Variants in GOLGA1 observed in about 807,000 individuals in gnomAD.
GOLGA1 encodes golgin subfamily A member 1.
In GOLGA1, 63 loss-of-function variants were observed where a neutral mutation model predicts 119.7. The observed-to-expected ratio is 0.53, with a 90% CI of 0.43 to 0.65. The LOEUF (loss-of-function observed/expected upper bound fraction) is 0.65. Among genes scored for constraint, GOLGA1 ranks in the 30% least tolerant of loss-of-function variants. The pLI is 0.00. For missense variants in GOLGA1, 798 were observed against 912.8 expected (o/e 0.87, Z 1.62); for synonymous variants, 318 against 333.4 (o/e 0.95, Z 0.50).
At chr9:124,898,492 T>C in intron 15 of GOLGA1, 57 bp downstream of exon 15, 1 of 965,616 alleles carries the variant, frequency 1.0e-6, no homozygotes, top group African/African-American at 1.6e-5. Context: ...GCACTGTAAA[T>C]ACACATGTAG....
At chr9:124,896,827 G>C (rs1003284909) in intron 15 of GOLGA1, among the ~76,000 whole-genome samples, 1 of 152,090 alleles carries the variant, frequency 6.6e-6, no homozygotes, top group Non-Finnish European at 1.5e-5. Flanking sequence ...AGTTATTCAT[G>C]AGGCTGAGGT....
intron 7 of GOLGA1, among the ~76,000 whole-genome samples, chr9:124,924,399 G>T (rs990379930): frequency 6.6e-6 from 1 of 152,070 alleles, no homozygotes; most frequent in East Asian, 1.9e-4. Context: ...GGAGGCCAAG[G>T]TGGGCCTATC....
intron 7 of GOLGA1, 65 bp from the exon 8 acceptor site, chr9:124,923,288 G>A: frequency 7.4e-7 from 1 of 1,359,604 alleles, no homozygotes; most frequent in Non-Finnish European, 1.0e-6. Context: ...TTACGAAAGT[G>A]AAAATCTTTT....
chr9:124,934,192 C>A (rs1830822805), intron 3 of GOLGA1, among the ~76,000 whole-genome samples: 1 of 152,164 alleles, frequency 6.6e-6, no homozygotes, highest in South Asian at 2.1e-4. Flanking sequence ...AGATATGACT[C>A]TATAACCTGA....
Position 124,915,739 on chromosome 9 carries a change from C to T in GOLGA1, c.844-3713G>A, listed in dbSNP as rs544965159. ...GGTTGAGGTTGCAGTGAGCCAACAT[C>T]GCGCCACTGCACTCCAGCCTGGGCA... is the stretch of plus-strand genomic sequence containing the variant. On this transcript the variant is annotated intron_variant, in intron 10 of 22. Transcript: ENST00000373555. Among the ~76,000 whole-genome samples the T allele has an allele frequency of 2.2e-4, 34 of 152,148 alleles. 1 individual carries two copies. In the South Asian group the frequency reaches 6.6e-3, roughly 30 times the overall value.
At chr9:124,884,885 TCA>T (rs1169119585) in intron 19 of GOLGA1, among the ~76,000 whole-genome samples, 1 of 152,152 alleles carries the variant, frequency 6.6e-6, no homozygotes, top group Non-Finnish European at 1.5e-5. Context: ...AGTCAAAAGT[TCA>T]CCCTCGAGGG....
intron 10 of GOLGA1, among the ~76,000 whole-genome samples, chr9:124,919,637 A>C (rs1250330319): frequency 2.0e-5 from 3 of 152,140 alleles, no homozygotes; most frequent in Non-Finnish European, 4.4e-5. Flanking sequence ...CTTAGCTAAG[A>C]CCTCTATTGA....
At chr9:124,918,002 G>A (rs1288860877) in intron 10 of GOLGA1, among the ~76,000 whole-genome samples, 1 of 152,060 alleles carries the variant, frequency 6.6e-6, no homozygotes, top group Non-Finnish European at 1.5e-5. Context: ...ACAGGTGTGT[G>A]CCACCATGCC....
intron 7 of GOLGA1, among the ~76,000 whole-genome samples, chr9:124,925,931 T>C (rs1240048381): frequency 1.3e-5 from 2 of 152,282 alleles, no homozygotes; most frequent in South Asian, 4.1e-4. Context: ...ATGCAAGCAA[T>C]GGTACTAGAA....
At chr9:124,917,758 C>A (rs775706672) in intron 10 of GOLGA1, among the ~76,000 whole-genome samples, 3 of 152,142 alleles carry the variant, frequency 2.0e-5, no homozygotes, top group Admixed American at 2.0e-4. Context: ...GCTTGAAATT[C>A]TCTCCCATCA....
At chr9:124,918,530 G>T (rs1040594090) in intron 10 of GOLGA1, among the ~76,000 whole-genome samples, 1 of 152,034 alleles carries the variant, frequency 6.6e-6, no homozygotes. Context: ...TTTGAGGGCC[G>T]AGGTGGGCAG....
At chr9:124,924,299 A>C (rs1014739499) in intron 7 of GOLGA1, among the ~76,000 whole-genome samples, 16 of 152,198 alleles carry the variant, frequency 1.1e-4, no homozygotes, top group African/African-American at 3.4e-4. Flanking sequence ...AAAAAGAAAA[A>C]AAAATTAGAC....
At position 124,880,357 on chromosome 9, in the gene GOLGA1, T is replaced by G; in HGVS notation, c.*173A>C. The G allele has an allele frequency of 1.9e-6, 1 of 514,048 alleles. No homozygotes were observed. Among genetic ancestry groups the G allele is most frequent in the Non-Finnish European group, 3.6e-6 (1 of 274,344 alleles). The allele number at this position is 514,048 out of a possible 1,614,324, so 31.8% of individuals were successfully genotyped here. On this transcript the variant is annotated 3_prime_UTR_variant, in exon 23 of 23. Transcript: ENST00000373555. ...CAGAATGACAGGATCAGCTACCCCC[T>G]GAGGTTCAGGTCAGCCTGCAGGGAA...
chr9:124,897,028 G>A (rs966972025), intron 15 of GOLGA1, among the ~76,000 whole-genome samples: 5 of 152,150 alleles, frequency 3.3e-5, no homozygotes, highest in African/African-American at 1.2e-4. Context: ...ACTAGCTGCA[G>A]CCACACTGGC....
chr9:124,923,297 TTC>T, intron 7 of GOLGA1, 74 bp from the exon 8 acceptor site: 1 of 1,323,694 alleles, frequency 7.6e-7, no homozygotes, highest in Non-Finnish European at 1.0e-6. Context: ...TGAAAATCTT[TTC>T]TTTTTTAAAA....
chr9:124,933,326 T>C (rs1483206990), intron 3 of GOLGA1, among the ~76,000 whole-genome samples: 1 of 152,220 alleles, frequency 6.6e-6, no homozygotes, highest in Non-Finnish European at 1.5e-5. Context: ...GTTCCCATCA[T>C]TCTGTTAAGA....
intron 7 of GOLGA1, among the ~76,000 whole-genome samples, chr9:124,926,117 A>G (rs1485816988): frequency 1.3e-5 from 2 of 152,168 alleles, no homozygotes; most frequent in South Asian, 4.1e-4. Context: ...CATTTTGAGG[A>G]TGGTTTAATA....
rs556560904 is a variant in GOLGA1 at position 124,905,061 on chromosome 9, G to A, written c.1065+3316C>T. On this transcript the variant is annotated intron_variant, in intron 12 of 22. Transcript: ENST00000373555. ...TTTGGGAGGTTGAGGCAGGAGAATC[G>A]CTTGTGCCTGGGAGGCGGAGGTTGT... Among the ~76,000 whole-genome samples the A allele has an allele frequency of 1.1e-4, 17 of 151,172 alleles. 1 individual carries two copies. The South Asian group carries it at 3.1e-3, about 28-fold the overall frequency.
chr9:124,882,177 G>A (rs1316019605), intron 20 of GOLGA1, among the ~76,000 whole-genome samples: 1 of 152,208 alleles, frequency 6.6e-6, no homozygotes, highest in Non-Finnish European at 1.5e-5. Context: ...CCTGGGGCCT[G>A]AAGCTGCTCG....
Sources: gnomAD v4.1 joint callset for allele counts (sites outside exome capture counted in the v4.1 genomes callset) on GRCh38, gnomAD v4.1.1 for gene constraint, MANE v1.5 for transcripts, NCBI Gene and HGNC (gene_info 2026-07-23, HGNC 2026-07-21) for gene names.